The following DLD variants were observed in gnomAD, a reference collection of about 807,000 sequenced individuals.
The protein encoded by DLD is dihydrolipoyl dehydrogenase, mitochondrial.
In DLD, 36 loss-of-function variants were observed where a neutral mutation model predicts 62.2. The observed-to-expected ratio is 0.58, with a 90% CI of 0.44 to 0.76. The LOEUF (loss-of-function observed/expected upper bound fraction) is 0.76, where lower values mean the gene tolerates loss of function less well. Ranked by LOEUF, DLD falls within the 30% of genes least tolerant of loss-of-function variation. The probability of loss-of-function intolerance (pLI) is 0.00; values close to 1 mark genes in which losing one functional copy is unlikely to be tolerated. For missense variants in DLD, 541 were observed against 608.6 expected (o/e 0.89, Z 1.17); for synonymous variants, 204 against 199.6 (o/e 1.02, Z -0.19).
At chr7:107,891,110 A>G (rs1433484628), upstream of DLD, 4 of 1,073,706 alleles carry the variant, frequency 3.7e-6, no homozygotes, top group Non-Finnish European at 5.6e-6. Flanking sequence ...GTGCGGTAGA[A>G]CCGCGCGGGC....
chr7:107,914,624 G>A (rs2032223064), intron 8 of DLD, among the ~76,000 whole-genome samples: 1 of 152,074 alleles, frequency 6.6e-6, no homozygotes, highest in African/African-American at 2.4e-5. Flanking sequence ...AGAAATTAAT[G>A]AGATTTTTTA....
intron 2 of DLD, among the ~76,000 whole-genome samples, chr7:107,894,082 G>A (rs1390790367): frequency 6.6e-6 from 1 of 152,042 alleles, no homozygotes; most frequent in Non-Finnish European, 1.5e-5. Context: ...TTTCTCCTGT[G>A]TACTTTTTTT....
rs2032372233 is a variant in DLD, at chr7:107,920,105, G to A, written c.*846G>A. The A allele has an allele frequency of 6.6e-6, 1 of 152,122 alleles. No individual in the cohort carries two copies. Among genetic ancestry groups the A allele is most frequent in the Non-Finnish European group, 1.5e-5 (1 of 67,998 alleles). 9.4% of individuals were successfully genotyped at this position (152,122 alleles called of 1,614,324 possible). ...AGGACAATATTAAGGCATTTTAAAG[G>A]TCATCATCCTTTCATCTATTTTAGA... is the stretch of plus-strand genomic sequence containing the variant. On this transcript the variant is annotated 3_prime_UTR_variant, in exon 14 of 14. Coordinates refer to ENST00000205402, the MANE Select transcript of DLD (RefSeq NM_000108.5).
chr7:107,917,055 TA>T lies in DLD; in HGVS notation c.1046+92del, dbSNP rs2032288438. ...GTAAGATTTTTATGCTTAAAATATG[TA>T]TTGGCTTTGGGGAAGAATAGTAAAC... On this transcript the variant is annotated intron_variant, in intron 10 of 13. Coordinates refer to ENST00000205402, the MANE Select transcript of DLD (RefSeq NM_000108.5). The T allele has an allele frequency of 9.5e-6, 13 of 1,361,740 alleles. No individual in the cohort carries two copies. In the South Asian group the frequency reaches 1.6e-4, roughly 17 times the overall value. 84.4% of individuals were successfully genotyped at this position (1,361,740 alleles called of 1,614,324 possible). A position where few individuals can be genotyped will look rare whatever the true frequency, so the allele number is the denominator to read the frequency against.
Position 107,905,041 on chromosome 7 carries a change from T to G in DLD, c.421T>G (p.Leu141Val). ...AGCTTTAACAGGTGGAATTGCCCAC[T>G]TATTCAAACAGAATAAGGTCAGTGT... Reference protein sequence around the residue: ...VKALTGGIAHLFKQNKVVHVN... With the variant: ...VKALTGGIAHVFKQNKVVHVN... Residue 141 changes from leucine to valine, a missense_variant, in exon 6 of 14, where the codon TTA becomes GTA. Physicochemically the swap from Leu to Val is conservative, Grantham distance 32 (BLOSUM62 1). Transcript: ENST00000205402. 6.2e-7 allele frequency: 1 copy of G among 1,609,396 alleles called. No individual in the cohort carries two copies. Among genetic ancestry groups the G allele is most frequent in the Non-Finnish European group, 8.5e-7 (1 of 1,176,084 alleles).
intron 2 of DLD, among the ~76,000 whole-genome samples, chr7:107,898,110 C>T (rs1045697764): frequency 1.3e-5 from 2 of 151,958 alleles, no homozygotes; most frequent in Admixed American, 1.3e-4. Flanking sequence ...AAAGTATCAA[C>T]CTGATACTTT....
chr7:107,913,779 T>C (rs1251774349), intron 8 of DLD, among the ~76,000 whole-genome samples: 1 of 152,146 alleles, frequency 6.6e-6, no homozygotes, highest in Non-Finnish European at 1.5e-5. Flanking sequence ...TGAATAAAAG[T>C]GGTGAAAAAT....
Position 107,902,455 on chromosome 7 carries a change from G to A in DLD, c.267+62G>A. 3 of 1,367,860 alleles carry A rather than the reference G, an allele frequency of 2.2e-6. No homozygotes were observed. The South Asian group carries it at 3.5e-5, about 16-fold the overall frequency. The allele number at this position is 1,367,860 out of a possible 1,614,324, so 84.7% of individuals were successfully genotyped here. A position where few individuals can be genotyped will look rare whatever the true frequency, so the allele number is the denominator to read the frequency against. On this transcript the variant is annotated intron_variant, in intron 4 of 13. Coordinates refer to ENST00000205402, the MANE Select transcript of DLD (RefSeq NM_000108.5). The stretch of plus-strand genomic sequence containing the variant: ...TGGCTAGCAACCAACTAGAAGGATG[G>A]ATTGAGACTAGATTAGACAAATACA...
intron 8 of DLD, among the ~76,000 whole-genome samples, chr7:107,915,141 A>G (rs568136013): frequency 6.6e-6 from 1 of 152,290 alleles, no homozygotes; most frequent in South Asian, 2.1e-4. Flanking sequence ...TCCTAGTTCT[A>G]CTTCCTGTTT....
intron 2 of DLD, among the ~76,000 whole-genome samples, chr7:107,897,878 T>C (rs2031769098): frequency 6.6e-6 from 1 of 152,110 alleles, no homozygotes; most frequent in Non-Finnish European, 1.5e-5. Context: ...TTGAGATACA[T>C]CTTGTAATTA....
chr7:107,906,166 T>TCA, intron 7 of DLD, 101 bp from the exon 8 acceptor site: 1 of 686,472 alleles, frequency 1.5e-6, no homozygotes, highest in Non-Finnish European at 2.6e-6. Context: ...TTTCAATTAA[T>TCA]GGTTGGTTAA....
rs2032324722 is a variant in DLD at position 107,918,475 on chromosome 7, G to C, written c.1374+414G>C. Among the ~76,000 whole-genome samples the C allele has an allele frequency of 2.0e-5, 3 of 152,242 alleles. No homozygotes were observed. The South Asian group carries it at 6.2e-4, about 32-fold the overall frequency. ...CAACAGACCAAATATTTGCATTTTA[G>C]GGCCTTTGTGCTTAAGATACCCTCT... On this transcript the variant is annotated intron_variant, in intron 12 of 13. Coordinates refer to ENST00000205402, the MANE Select transcript of DLD (RefSeq NM_000108.5).
chr7:107,897,829 T>G (rs2031767269), intron 2 of DLD, among the ~76,000 whole-genome samples: 1 of 152,114 alleles, frequency 6.6e-6, no homozygotes, highest in Non-Finnish European at 1.5e-5. Flanking sequence ...TCCACCCGCA[T>G]TGGCCTCCCA....
intron 8 of DLD, among the ~76,000 whole-genome samples, chr7:107,907,753 C>G (rs1477230864): frequency 6.6e-6 from 1 of 152,194 alleles, no homozygotes; most frequent in Non-Finnish European, 1.5e-5. Context: ...CATTTGCACT[C>G]ATTAACACAG....
Position 107,917,904 on chromosome 7 carries a change from T to G in DLD, c.1237-20T>G. 1.9e-6 allele frequency: 3 copies of G among 1,612,946 alleles called. No homozygotes were observed. Among genetic ancestry groups the G allele is most frequent in the Non-Finnish European group, 2.5e-6 (3 of 1,179,152 alleles). On this transcript the variant is annotated intron_variant, in intron 11 of 13. Transcript: ENST00000205402. The stretch of plus-strand genomic sequence containing the variant: ...ACTTTTCTGGCAGTTACGTAGATTC[T>G]TTTTTTCTGACTGTCACAGGGTATT...
chr7:107,915,581 GAT>G lies in DLD; in HGVS notation c.763_764del (p.Met255GlyfsTer4). On this transcript the variant is annotated frameshift_variant, in exon 9 of 14. Coordinates refer to ENST00000205402, the MANE Select transcript of DLD (RefSeq NM_000108.5). LOFTEE classifies it high-confidence loss of function. Reference sequence around the variant, plus strand: ...AGGTCATGTAGGTGGAGTTGGAATTGATATGGAGATATCTAAAAACTTTCAAC... The same window carrying G: ...AGGTCATGTAGGTGGAGTTGGAATTGATGGAGATATCTAAAAACTTTCAAC... The part of the protein sequence containing the change: ...FLGHVGGVGI[D>X]MEISKNFQRI... 1 of 1,613,838 alleles carries G rather than the reference GAT, an allele frequency of 6.2e-7. No individual in the cohort carries two copies. The highest frequency in any genetic ancestry group is 8.5e-7 in the Non-Finnish European group (1 of 1,179,866).
Position 107,902,318 on chromosome 7 carries a change from G to T in DLD, c.199-7G>T, listed in dbSNP as rs1358100638. 1.0e-4 allele frequency: 165 copies of T among 1,612,632 alleles called. No homozygotes were observed. The highest frequency in any genetic ancestry group is 1.3e-4 in the Non-Finnish European group (159 of 1,178,934). On this transcript the variant is annotated splice_polypyrimidine_tract_variant and splice_region_variant and intron_variant, in intron 3 of 13. Transcript: ENST00000205402. ...GTGCAGTTAAATAATGTTTTCTTTG[G>T]TTGTAGACAGTCTGCATTGAGAAAA...
intron 1 of DLD, chr7:107,891,567 G>T (rs914050704): frequency 6.9e-6 from 4 of 583,658 alleles, no homozygotes; most frequent in African/African-American, 5.6e-5. Flanking sequence ...CCAAGCCTGG[G>T]CCGAGGGCCA....
At chr7:107,909,691 G>C (rs1368766825) in intron 8 of DLD, among the ~76,000 whole-genome samples, 1 of 152,092 alleles carries the variant, frequency 6.6e-6, no homozygotes, top group Admixed American at 6.6e-5. Context: ...CTAGTATTTA[G>C]CAGAATCTCT....
Sources: allele counts gnomAD v4.1 joint callset (sites outside exome capture counted in the v4.1 genomes callset), GRCh38; gene constraint gnomAD v4.1.1; transcripts MANE v1.5; gene names NCBI Gene and HGNC (gene_info 2026-07-23, HGNC 2026-07-21).